The following NDUFB1 variants were observed in gnomAD, a reference collection of about 807,000 sequenced individuals.
NDUFB1 encodes the protein NADH:ubiquinone oxidoreductase subunit B1.
A neutral mutation model predicts 6.7 loss-of-function variants in NDUFB1; 6 were observed. The observed-to-expected ratio is 0.89, with a 90% CI of 0.49 to 1.76. NDUFB1 has a LOEUF of 1.76. NDUFB1 is among the 40% of genes most tolerant of loss of function. The pLI, the probability that NDUFB1 is intolerant of heterozygous loss-of-function variation, is 0.01. For missense variants in NDUFB1, 56 were observed against 71.0 expected (o/e 0.79, Z 0.76); for synonymous variants, 17 against 22.9 (o/e 0.74, Z 0.74).
At chr14:92,119,908 C>G (rs935482677) in intron 1 of NDUFB1, among the ~76,000 whole-genome samples, 28 of 151,954 alleles carry the variant, frequency 1.8e-4, no homozygotes, top group African/African-American at 6.3e-4. Flanking sequence ...GCTACGGGTG[C>G]TAATTTAAAA....
rs1200193110 is a variant in NDUFB1, at chr14:92,116,150, C to T, written c.*43G>A. On this transcript the variant is annotated 3_prime_UTR_variant, in exon 3 of 3. Transcript: ENST00000605997. ...TCAGATTCTTCATGTTTTTATTTCT[C>T]TCAGAACTTTAAAATGTGAACATTC... 6.4e-7 allele frequency: 1 copy of T among 1,558,714 alleles called. No individual in the cohort carries two copies. Among genetic ancestry groups the T allele is most frequent in the African/African-American group, 1.4e-5 (1 of 73,604 alleles).
chr14:92,117,747 T>A, intron 1 of NDUFB1, 105 bp from the exon 2 acceptor site: 2 of 1,157,050 alleles, frequency 1.7e-6, no homozygotes, highest in Non-Finnish European at 1.2e-6. Flanking sequence ...CCTGTAATCC[T>A]AGCACTTTGG....
At chr14:92,120,384 C>G (rs374454455) in intron 1 of NDUFB1, 1 of 142,596 alleles carries the variant, frequency 7.0e-6, no homozygotes, top group South Asian at 2.2e-4. Flanking sequence ...AAGTTTCGCT[C>G]TTGTTGCCTA....
rs2068726592 is a variant in NDUFB1, at chr14:92,117,695, A to G, written c.-5-53T>C. The G allele has an allele frequency of 2.5e-6, 4 of 1,569,506 alleles. No individual in the cohort carries two copies. The South Asian group carries it at 3.5e-5, about 14-fold the overall frequency. On this transcript the variant is annotated intron_variant, in intron 1 of 2. Coordinates refer to ENST00000605997, the MANE Select transcript of NDUFB1 (RefSeq NM_004545.4). ...ACAACTGCTTTGTTTTTTTTTTGAAATAGCTTTTAAATTGCATCTGGGCCA... is the reference window on the plus strand; with the variant it reads ...ACAACTGCTTTGTTTTTTTTTTGAAGTAGCTTTTAAATTGCATCTGGGCCA...
intron 2 of NDUFB1, 97 bp downstream of exon 2, chr14:92,117,401 G>A (rs2141437639): frequency 7.9e-7 from 1 of 1,258,660 alleles, no homozygotes; most frequent in Non-Finnish European, 1.2e-6. Context: ...AAGTCCTCAA[G>A]GGGGAAAAAT....
At chr14:92,121,296 T>G (rs1430295303) in intron 1 of NDUFB1, 9 of 424,388 alleles carry the variant, frequency 2.1e-5, no homozygotes, top group Admixed American at 3.7e-5. Flanking sequence ...GAATGTAAGC[T>G]GCTCGCGGAG....
intron 2 of NDUFB1, 71 bp from the exon 3 acceptor site, chr14:92,116,300 A>G: frequency 8.4e-7 from 1 of 1,197,362 alleles, no homozygotes; most frequent in Non-Finnish European, 1.2e-6. Flanking sequence ...TAAAAGGGGA[A>G]GTCAGAAGAA....
chr14:92,119,736 T>C (rs925566705), intron 1 of NDUFB1, among the ~76,000 whole-genome samples: 4 of 152,154 alleles, frequency 2.6e-5, no homozygotes, highest in African/African-American at 9.7e-5. Flanking sequence ...ATATACCTTA[T>C]ACACATAGCC....
In NDUFB1 at chr14:92,116,331, C is replaced by CTTTTTTTTT. The variant is rs35571568; in HGVS notation, c.141-111_141-103dup. ...AAGAATGATTGCAATATTTCATTTTCTTTTTTTTTTTTTTTTTTTTGAGAC... is the reference window on the plus strand; with the variant it reads ...AAGAATGATTGCAATATTTCATTTTCTTTTTTTTTTTTTTTTTTTTTTTTTTTTTGAGAC... On this transcript the variant is annotated intron_variant, in intron 2 of 2. Coordinates refer to ENST00000605997, the MANE Select transcript of NDUFB1 (RefSeq NM_004545.4). 403 of 499,034 alleles carry CTTTTTTTTT rather than the reference C, an allele frequency of 8.1e-4. 2 individuals are homozygous for CTTTTTTTTT. The highest frequency in any genetic ancestry group is 1.9e-3 in the African/African-American group (68 of 35,942). The allele number at this position is 499,034 out of a possible 1,614,324, so 30.9% of individuals were successfully genotyped here. A position where few individuals can be genotyped will look rare whatever the true frequency, so the allele number is the denominator to read the frequency against.
chr14:92,119,039 AGGT>A (rs1461660178), intron 1 of NDUFB1: 2 of 309,528 alleles, frequency 6.5e-6, no homozygotes, highest in African/African-American at 2.3e-5. Context: ...AGTGACTACT[AGGT>A]GGCTCATGCC....
In NDUFB1 at chr14:92,120,035, G is replaced by T. The variant is rs377661301; in HGVS notation, c.-6+1607C>A. Among the ~76,000 whole-genome samples the T allele has an allele frequency of 3.3e-5, 5 of 152,214 alleles. No individual in the cohort carries two copies. In the South Asian group the frequency reaches 6.2e-4, roughly 19 times the overall value. On this transcript the variant is annotated intron_variant, in intron 1 of 2. Transcript: ENST00000605997. ...GGGCATTTTGGATTTCCAACATTCT[G>T]ATCAGGGATACTGAACCTGTAATAG...
At chr14:92,119,635 C>T (rs995297217) in intron 1 of NDUFB1, among the ~76,000 whole-genome samples, 2 of 151,994 alleles carry the variant, frequency 1.3e-5, no homozygotes, top group African/African-American at 4.8e-5. Flanking sequence ...GAAGTGTTTT[C>T]GATTTTTTGA....
At chr14:92,116,298 G>A in intron 2 of NDUFB1, 69 bp from the exon 3 acceptor site, 1 of 1,188,726 alleles carries the variant, frequency 8.4e-7, no homozygotes, top group Non-Finnish European at 1.2e-6. Flanking sequence ...GATAAAAGGG[G>A]AAGTCAGAAG....
intron 1 of NDUFB1, among the ~76,000 whole-genome samples, chr14:92,119,975 G>A (rs182538519): frequency 2.4e-3 from 370 of 152,042 alleles, no homozygotes; most frequent in Non-Finnish European, 4.2e-3. Flanking sequence ...TGCCCAGGCT[G>A]GTCTCAAACT....
At chr14:92,117,675 T>C (rs1426601185) in intron 1 of NDUFB1, 33 bp from the exon 2 acceptor site, 2 of 1,574,364 alleles carry the variant, frequency 1.3e-6, no homozygotes, top group Non-Finnish European at 1.7e-6. Context: ...GAAATACAAC[T>C]GCTTTGTTTT....
At chr14:92,121,616 C>T (rs755425962) in intron 1 of NDUFB1, 26 bp downstream of exon 1, 15 of 1,611,694 alleles carry the variant, frequency 9.3e-6, no homozygotes, top group Middle Eastern at 1.8e-4. Context: ...CTCGTCGCGG[C>T]GGCCCCCCGG....
intron 1 of NDUFB1, chr14:92,118,983 A>C: frequency 2.8e-6 from 1 of 360,708 alleles, no homozygotes; most frequent in South Asian, 1.9e-5. Context: ...CAGAAAAAAA[A>C]GAAAGAAAAA....
chr14:92,116,331 CTTTTTTTTT>C (rs35571568), intron 2 of NDUFB1, 102 bp from the exon 3 acceptor site: 51 of 499,326 alleles, frequency 1.0e-4, no homozygotes, highest in Non-Finnish European at 1.7e-4. Context: ...ATTTCATTTT[CTTTTTTTTT>C]TTTTTTTTTT....
chr14:92,121,697 C>A lies in NDUFB1; in HGVS notation c.-61G>T, dbSNP rs1013194582. ...GACCAAGGGCAACAGGGAACTCAAC[C>A]CGCGCCAGTGGAAGCTGCGACCTCG... On this transcript the variant is annotated 5_prime_UTR_variant, in exon 1 of 3. Transcript: ENST00000605997. The A allele has an allele frequency of 1.9e-6, 3 of 1,613,826 alleles. No homozygotes were observed. Among genetic ancestry groups the A allele is most frequent in the Non-Finnish European group, 1.7e-6 (2 of 1,179,998 alleles).
Sources: allele counts gnomAD v4.1 joint callset (sites outside exome capture counted in the v4.1 genomes callset), GRCh38; gene constraint gnomAD v4.1.1; transcripts MANE v1.5; gene names NCBI Gene and HGNC (gene_info 2026-07-23, HGNC 2026-07-21).